Variants in EDIL3 observed in about 807,000 individuals in gnomAD.
The protein encoded by EDIL3 is EGF-like repeat and discoidin I-like domain-containing protein 3.
Under a neutral mutation model 67.4 loss-of-function variants are expected in EDIL3, and 37 were observed. The ratio of observed to expected loss-of-function variants is 0.55; its 90% CI spans 0.42 to 0.72. The LOEUF (loss-of-function observed/expected upper bound fraction) is 0.72. Ranked by LOEUF, EDIL3 falls within the 30% of genes least tolerant of loss-of-function variation. The probability of loss-of-function intolerance (pLI) is 0.00; values close to 1 mark genes in which losing one functional copy is unlikely to be tolerated. For synonymous variants in EDIL3, 195 were observed against 196.3 expected, an observed-to-expected ratio of 0.99 and a Z score of 0.05; for missense variants, 527 against 586.3, an observed-to-expected ratio of 0.90 and a Z score of 1.04.
At chr5:84,242,555 C>T (rs930868506) in intron 2 of EDIL3, among the ~76,000 whole-genome samples, 7 of 151,910 alleles carry the variant, frequency 4.6e-5, no homozygotes, top group African/African-American at 1.7e-4. Flanking sequence ...CTCAACATTT[C>T]GGGAGGCTGA....
chr5:84,331,202 C>T (rs1295146955), intron 1 of EDIL3, among the ~76,000 whole-genome samples: 1 of 152,114 alleles, frequency 6.6e-6, no homozygotes, highest in Non-Finnish European at 1.5e-5. Flanking sequence ...GCTGAGACTT[C>T]GGACATGGAC....
chr5:84,066,660 C>G, intron 6 of EDIL3, 54 bp from the exon 7 acceptor site: 3 of 1,560,372 alleles, frequency 1.9e-6, no homozygotes, highest in Non-Finnish European at 2.6e-6. Context: ...GATAACAATA[C>G]TGAAAATACG....
chr5:84,238,373 T>C (rs1744720232), intron 2 of EDIL3, among the ~76,000 whole-genome samples: 1 of 152,138 alleles, frequency 6.6e-6, no homozygotes, highest in African/African-American at 2.4e-5. Flanking sequence ...TTAAAATATA[T>C]TTTGAAATTC....
chr5:84,236,995 G>A (rs1454321882), intron 2 of EDIL3, among the ~76,000 whole-genome samples: 4 of 151,982 alleles, frequency 2.6e-5, no homozygotes, highest in African/African-American at 9.7e-5. Flanking sequence ...ATTCTACAAT[G>A]AGAATGCTGT....
At chr5:84,359,663 G>C (rs1311071480) in intron 1 of EDIL3, among the ~76,000 whole-genome samples, 1 of 152,154 alleles carries the variant, frequency 6.6e-6, no homozygotes, top group Non-Finnish European at 1.5e-5. Context: ...GAAAGAATGT[G>C]CCAATCAAAA....
chr5:84,196,190 G>T (rs1418826419), intron 3 of EDIL3, among the ~76,000 whole-genome samples: 1 of 151,790 alleles, frequency 6.6e-6, no homozygotes, highest in Non-Finnish European at 1.5e-5. Context: ...ATATTACTTT[G>T]CAAAAAAAAT....
At chr5:84,039,623 A>T (rs1163807238) in intron 9 of EDIL3, among the ~76,000 whole-genome samples, 1 of 152,184 alleles carries the variant, frequency 6.6e-6, no homozygotes, top group Non-Finnish European at 1.5e-5. Context: ...AATTAAATGT[A>T]CCAGGGAAAT....
intron 9 of EDIL3, among the ~76,000 whole-genome samples, chr5:84,030,130 T>C (rs1038550977): frequency 6.6e-6 from 1 of 152,216 alleles, no homozygotes; most frequent in African/African-American, 2.4e-5. Flanking sequence ...AAAACAATGA[T>C]GTAATTTTCA....
At chr5:84,171,337 T>C (rs906572432) in intron 4 of EDIL3, among the ~76,000 whole-genome samples, 1 of 152,200 alleles carries the variant, frequency 6.6e-6, no homozygotes, top group Non-Finnish European at 1.5e-5. Context: ...TGTGTCTATA[T>C]TGGAATAGTG....
At chr5:84,326,751 A>C (rs1746765067) in intron 1 of EDIL3, among the ~76,000 whole-genome samples, 1 of 151,480 alleles carries the variant, frequency 6.6e-6, no homozygotes. Flanking sequence ...ATCTTTCATC[A>C]TTTCTATACA....
At chr5:84,145,150 G>T (rs1170759448) in intron 4 of EDIL3, among the ~76,000 whole-genome samples, 2 of 152,150 alleles carry the variant, frequency 1.3e-5, no homozygotes, top group South Asian at 4.1e-4. Context: ...GGTGAAATAT[G>T]TGCTTTAGAG....
rs542051687 is a variant in EDIL3, at chr5:84,050,526, C to T, written c.1137+9774G>A. Among the ~76,000 whole-genome samples the T allele has an allele frequency of 3.8e-3, 582 of 152,310 alleles. 4 individuals are homozygous for T. The highest frequency in any genetic ancestry group is 0.013 in the African/African-American group (559 of 41,576). On this transcript the variant is annotated intron_variant, in intron 9 of 10. Transcript: ENST00000296591. ...GAAGCAGGGCGAGGCATCGCCTCAC[C>T]TGGGAAGTGCAAGGGGTCAGGGAAT...
chr5:84,079,415 GT>G lies in EDIL3; in HGVS notation c.652-12810del, dbSNP rs560201160. ...GGGCCTTTAACCTATGGCGTGTGCAGTAACTGGGGTTAGTGTAAGAGTGTGC... is the reference window on the plus strand; with the variant it reads ...GGGCCTTTAACCTATGGCGTGTGCAGAACTGGGGTTAGTGTAAGAGTGTGC... On this transcript the variant is annotated intron_variant, in intron 6 of 10. Transcript: ENST00000296591. Among the ~76,000 whole-genome samples the G allele has an allele frequency of 5.4e-3, 817 of 152,210 alleles. 9 individuals are homozygous for G. The highest frequency in any genetic ancestry group is 0.018 in the African/African-American group (763 of 41,526).
intron 9 of EDIL3, among the ~76,000 whole-genome samples, chr5:84,014,593 C>A (rs188314297): frequency 1.2e-4 from 18 of 152,210 alleles, no homozygotes; most frequent in South Asian, 4.1e-4. Flanking sequence ...TGCAGTCAGC[C>A]GAGATCATGC....
chr5:84,169,930 A>G (rs1315333954), intron 4 of EDIL3, among the ~76,000 whole-genome samples: 1 of 152,118 alleles, frequency 6.6e-6, no homozygotes, highest in African/African-American at 2.4e-5. Flanking sequence ...GCTGGACTGT[A>G]TGGTAATGCC....
intron 4 of EDIL3, among the ~76,000 whole-genome samples, chr5:84,140,157 A>C (rs542703211): frequency 6.6e-6 from 1 of 152,284 alleles, no homozygotes; most frequent in East Asian, 1.9e-4. Context: ...GAAATGAATA[A>C]AGGAAGATGG....
intron 5 of EDIL3, among the ~76,000 whole-genome samples, chr5:84,119,632 C>A (rs541903111): frequency 6.6e-6 from 1 of 151,960 alleles, no homozygotes; most frequent in East Asian, 1.9e-4. Flanking sequence ...GGATGTCCTA[C>A]GGAAAAGTTT....
At chr5:84,377,522 T>A (rs75176893) in intron 1 of EDIL3, among the ~76,000 whole-genome samples, 1 of 152,250 alleles carries the variant, frequency 6.6e-6, no homozygotes, top group East Asian at 1.9e-4. Context: ...ATCCCCAGAA[T>A]CAGTAAAATC....
chr5:84,167,820 T>C (rs1359873322), intron 4 of EDIL3, among the ~76,000 whole-genome samples: 1 of 152,130 alleles, frequency 6.6e-6, no homozygotes, highest in Non-Finnish European at 1.5e-5. Flanking sequence ...GTTTAAGTCT[T>C]TTCTACATTT....
Sources: allele counts gnomAD v4.1 joint callset (sites outside exome capture counted in the v4.1 genomes callset), GRCh38; gene constraint gnomAD v4.1.1; transcripts MANE v1.5; gene names NCBI Gene and HGNC (gene_info 2026-07-23, HGNC 2026-07-21).